Variants in KIF13A observed in about 807,000 individuals in gnomAD.
KIF13A encodes kinesin family member 13A.
KIF13A carries 79 observed loss-of-function variants against 212.2 expected under a neutral mutation model. The observed-to-expected ratio is 0.37, with a 90% CI of 0.31 to 0.45. The LOEUF is 0.45. Among genes scored for constraint, KIF13A ranks in the 20% least tolerant of loss-of-function variants. KIF13A has a pLI of 1.00. For missense variants in KIF13A, 1,901 were observed against 2,209.0 expected, an observed-to-expected ratio of 0.86 and a Z score of 2.79; for synonymous variants, 789 against 808.6, an observed-to-expected ratio of 0.98 and a Z score of 0.41.
rs1021465660 is a variant in KIF13A at position 17,838,234 on chromosome 6, T to C, written c.831-651A>G. Among the ~76,000 whole-genome samples the C allele has an allele frequency of 4.0e-5, 6 of 151,308 alleles. No individual in the cohort carries two copies. Among genetic ancestry groups the C allele is most frequent in the Admixed American group, 2.6e-4 (4 of 15,196 alleles). ...TACTCGGGAGGCTGAGGCAGGAAAA[T>C]TGCTTGAACCCGGGAGGCGGAGGCT... On this transcript the variant is annotated intron_variant, in intron 9 of 38. Coordinates refer to ENST00000259711, the MANE Select transcript of KIF13A (RefSeq NM_022113.6). This position sits in a 1 kb window ranked among gnomAD's most constrained non-coding sequence, Gnocchi z 4.2.
chr6:17,816,710 T>G lies in KIF13A; in HGVS notation c.2000+310A>C, dbSNP rs1763982462. ...GTATGAGAAATAAGAAAAAAATGCTTTTGTGTTAAAGAAATTATTCAAACT... is the reference window on the plus strand; with the variant it reads ...GTATGAGAAATAAGAAAAAAATGCTGTTGTGTTAAAGAAATTATTCAAACT... On this transcript the variant is annotated intron_variant, in intron 17 of 38. Coordinates refer to ENST00000259711, the MANE Select transcript of KIF13A (RefSeq NM_022113.6). The surrounding 1 kb of genome is among the most constrained non-coding windows in gnomAD (Gnocchi z 4.3). Among the ~76,000 whole-genome samples the G allele has an allele frequency of 6.6e-6, 1 of 151,746 alleles. No homozygotes were observed. The highest frequency in any genetic ancestry group is 6.6e-5 in the Admixed American group (1 of 15,254).
chr6:17,943,744 AT>A (rs1300129101), intron 2 of KIF13A, among the ~76,000 whole-genome samples: 1 of 152,166 alleles, frequency 6.6e-6, no homozygotes, highest in African/African-American at 2.4e-5. Context: ...ATAAAGCCAA[AT>A]ACTACTGGTT....
At chr6:17,907,328 T>C (rs1023093034) in intron 2 of KIF13A, among the ~76,000 whole-genome samples, 1 of 152,182 alleles carries the variant, frequency 6.6e-6, no homozygotes, top group Non-Finnish European at 1.5e-5. Context: ...TTAACTGCTA[T>C]TGAGTATTGC....
chr6:17,836,800 G>T, intron 11 of KIF13A, 78 bp downstream of exon 11: 2 of 1,268,170 alleles, frequency 1.6e-6, no homozygotes, highest in Non-Finnish European at 2.3e-6. Flanking sequence ...ACCTACAATT[G>T]CAAATGAGCA....
rs1004891315 is a variant in KIF13A, at chr6:17,888,036, G to A, written c.159+10132C>T. ...ATCTTGATTCTTATCCTAAATTTCT[G>A]CACTTTGACACCCTATCCATACTTG... On this transcript the variant is annotated intron_variant, in intron 3 of 38. Coordinates refer to ENST00000259711, the MANE Select transcript of KIF13A (RefSeq NM_022113.6). The surrounding 1 kb of genome is among the most constrained non-coding windows in gnomAD (Gnocchi z 4.8). Among the ~76,000 whole-genome samples the A allele has an allele frequency of 9.9e-5, 15 of 151,772 alleles. No individual in the cohort carries two copies. Among genetic ancestry groups the A allele is most frequent in the African/African-American group, 3.1e-4 (13 of 41,316 alleles).
rs1765752257 is a variant in KIF13A, at chr6:17,834,530, C to G, written c.1156-459G>C. ...ATTTTGAATCTGGGCCTTTAGACTA[C>G]CTTTCTCCACTGATGGTCATGCATT... is the stretch of plus-strand genomic sequence containing the variant. On this transcript the variant is annotated intron_variant, in intron 11 of 38. Coordinates refer to ENST00000259711, the MANE Select transcript of KIF13A (RefSeq NM_022113.6). The surrounding 1 kb of genome is among the most constrained non-coding windows in gnomAD (Gnocchi z 4.0). Among the ~76,000 whole-genome samples the G allele has an allele frequency of 6.6e-6, 1 of 152,294 alleles. No individual in the cohort carries two copies. The highest frequency in any genetic ancestry group is 1.5e-5 in the Non-Finnish European group (1 of 68,032).
At chr6:17,921,633 C>A (rs1046318589) in intron 2 of KIF13A, among the ~76,000 whole-genome samples, 6 of 152,058 alleles carry the variant, frequency 3.9e-5, no homozygotes, top group Non-Finnish European at 8.8e-5. Context: ...AGTGAGGACA[C>A]AATAGAACAG....
rs1018527757 is a variant in KIF13A at position 17,900,905 on chromosome 6, C to T, written c.147-2725G>A. On this transcript the variant is annotated intron_variant, in intron 2 of 38. Coordinates refer to ENST00000259711, the MANE Select transcript of KIF13A (RefSeq NM_022113.6). This position sits in a 1 kb window ranked among gnomAD's most constrained non-coding sequence, Gnocchi z 4.6. The stretch of plus-strand genomic sequence containing the variant: ...CATCCTGGTTAACACGGTGAAACCC[C>T]GCCTCTACTAAAAATACAAAAAATT... Among the ~76,000 whole-genome samples the T allele has an allele frequency of 2.0e-5, 3 of 151,810 alleles. No individual in the cohort carries two copies. Among genetic ancestry groups the T allele is most frequent in the South Asian group, 2.1e-4 (1 of 4,806 alleles).
At position 17,871,331 on chromosome 6, in the gene KIF13A, A is replaced by C. The variant is rs1316667116; in HGVS notation, c.220+2046T>G. 6.6e-6 allele frequency among the ~76,000 whole-genome samples: 1 copy of C among 152,020 alleles called. No homozygotes were observed. Among genetic ancestry groups the C allele is most frequent in the Non-Finnish European group, 1.5e-5 (1 of 68,010 alleles). On this transcript the variant is annotated intron_variant, in intron 4 of 38. Transcript: ENST00000259711. The surrounding 1 kb of genome is among the most constrained non-coding windows in gnomAD (Gnocchi z 4.4). The stretch of plus-strand genomic sequence containing the variant: ...CCTTTCCAGATTTTCTCTCTTTAAA[A>C]TCTGGTGCCTTTTCTCTTTCTCTTT...
At chr6:17,869,098 T>A (rs1769761630) in intron 4 of KIF13A, among the ~76,000 whole-genome samples, 1 of 151,728 alleles carries the variant, frequency 6.6e-6, no homozygotes, top group Non-Finnish European at 1.5e-5. Flanking sequence ...AGCCTTTAAT[T>A]TGCCTCTGAA....
rs1020960959 is a variant in KIF13A, at chr6:17,806,298, G to C, written c.2164-683C>G. On this transcript the variant is annotated intron_variant, in intron 18 of 38. Transcript: ENST00000259711. ...GCATTTGGATGTACTATACATTTGA[G>C]TAATTATTCTATTGTTTGACATCAT... 3.3e-5 allele frequency among the ~76,000 whole-genome samples: 5 copies of C among 152,180 alleles called. 1 individual carries two copies. Among genetic ancestry groups the C allele is most frequent in the South Asian group, 4.2e-4 (2 of 4,816 alleles).
rs1779813724 is a variant in KIF13A at position 17,971,628 on chromosome 6, T to C, written c.146+15426A>G. Among the ~76,000 whole-genome samples, 1 of 152,110 alleles carries C rather than the reference T, an allele frequency of 6.6e-6. No individual in the cohort carries two copies. The highest frequency in any genetic ancestry group is 2.4e-5 in the African/African-American group (1 of 41,408). ...TTTGTAGAGATGGGGTTTTGTCATG[T>C]TGCCCAGGCTGGTCTCAAGCTCCTG... On this transcript the variant is annotated intron_variant, in intron 2 of 38. Coordinates refer to ENST00000259711, the MANE Select transcript of KIF13A (RefSeq NM_022113.6). This position sits in a 1 kb window ranked among gnomAD's most constrained non-coding sequence, Gnocchi z 4.2.
intron 9 of KIF13A, among the ~76,000 whole-genome samples, chr6:17,840,108 A>C (rs539850467): frequency 1.2e-4 from 18 of 152,258 alleles, no homozygotes; most frequent in African/African-American, 3.9e-4. Context: ...ATTTGGATAC[A>C]AGGTTTCTTT....
At chr6:17,958,757 C>G (rs111701617) in intron 2 of KIF13A, among the ~76,000 whole-genome samples, 1,663 of 152,108 alleles carry the variant, frequency 0.011, 23 homozygotes, top group African/African-American at 0.038. Flanking sequence ...AATCCATTGT[C>G]AAGGTGTTGT....
intron 3 of KIF13A, among the ~76,000 whole-genome samples, chr6:17,880,983 A>C (rs969809951): frequency 6.6e-6 from 1 of 152,192 alleles, no homozygotes; most frequent in Non-Finnish European, 1.5e-5. Flanking sequence ...TTTATCAATA[A>C]GAGCCAACAT....
intron 4 of KIF13A, among the ~76,000 whole-genome samples, chr6:17,862,909 C>T (rs1376311026): frequency 6.6e-6 from 1 of 152,172 alleles, no homozygotes; most frequent in Non-Finnish European, 1.5e-5. Flanking sequence ...AATCGCGCCA[C>T]TGCACTCCAG....
At chr6:17,851,725 T>C (rs1201118997) in intron 7 of KIF13A, among the ~76,000 whole-genome samples, 1 of 152,218 alleles carries the variant, frequency 6.6e-6, no homozygotes, top group Non-Finnish European at 1.5e-5. Flanking sequence ...TGCAGCAACC[T>C]GAAAACACTG....
In KIF13A at chr6:17,771,822, C is replaced by A; in HGVS notation, c.4476+86G>T. On this transcript the variant is annotated intron_variant, in intron 37 of 38. Coordinates refer to ENST00000259711, the MANE Select transcript of KIF13A (RefSeq NM_022113.6). This position sits in a 1 kb window ranked among gnomAD's most constrained non-coding sequence, Gnocchi z 5.4. ...GATGACCGTGCATGTCCACATGCAGCACTCAGCTTGTTAATGCACACTGCT... is the reference window on the plus strand; with the variant it reads ...GATGACCGTGCATGTCCACATGCAGAACTCAGCTTGTTAATGCACACTGCT... The A allele has an allele frequency of 7.8e-7, 1 of 1,288,280 alleles. No homozygotes were observed. Among genetic ancestry groups the A allele is most frequent in the Non-Finnish European group, 1.1e-6 (1 of 902,788 alleles). 79.8% of individuals were successfully genotyped at this position (1,288,280 alleles called of 1,614,324 possible). A position where few individuals can be genotyped will look rare whatever the true frequency, so the allele number is the denominator to read the frequency against.
At chr6:17,788,396 G>A (rs931868591) in intron 26 of KIF13A, among the ~76,000 whole-genome samples, 12 of 152,222 alleles carry the variant, frequency 7.9e-5, no homozygotes, top group East Asian at 1.9e-4. Flanking sequence ...CAACCACCAC[G>A]AGGCTAAGCA....
Sources: gnomAD v4.1 joint callset for allele counts (sites outside exome capture counted in the v4.1 genomes callset) on GRCh38, gnomAD v4.1.1 for gene constraint, Gnocchi (gnomAD v3.1) non-coding constraint, MANE v1.5 for transcripts, NCBI Gene and HGNC (gene_info 2026-07-23, HGNC 2026-07-21) for gene names.